FBXO34: variants seen among roughly 807,000 people sequenced by gnomAD.
FBXO34 encodes the protein F-box protein 34, also known as F-box only protein 34.
A neutral mutation model predicts 24.5 loss-of-function variants in FBXO34; 12 were observed. The ratio of observed to expected loss-of-function variants is 0.49; its 90% CI spans 0.31 to 0.79. The LOEUF (loss-of-function observed/expected upper bound fraction) is 0.79, where lower values mean the gene tolerates loss of function less well. Among genes scored for constraint, FBXO34 ranks in the 30% least tolerant of loss-of-function variants. FBXO34 has a pLI of 0.04. For missense variants in FBXO34, 823 were observed against 857.7 expected, an observed-to-expected ratio of 0.96 and a Z score of 0.51; for synonymous variants, 320 against 311.9, an observed-to-expected ratio of 1.03 and a Z score of -0.27.
intron 1 of FBXO34, among the ~76,000 whole-genome samples, chr14:55,337,886 C>G (rs1157661572): frequency 6.6e-6 from 1 of 151,994 alleles, no homozygotes; most frequent in Non-Finnish European, 1.5e-5. Flanking sequence ...TTCAGAATCT[C>G]CTTTCCTCAT....
the FBXO34 span, among the ~76,000 whole-genome samples, chr14:55,405,073 C>T: frequency 3.3e-5 from 5 of 152,302 alleles, no homozygotes; most frequent in East Asian, 9.6e-4. Flanking sequence ...CATAAACAAA[C>T]TCCATGGGAC....
the FBXO34 span, among the ~76,000 whole-genome samples, chr14:55,426,891 C>G: frequency 5.3e-5 from 8 of 152,164 alleles, no homozygotes; most frequent in African/African-American, 1.9e-4. Context: ...TAGATCTGCT[C>G]TGCAAGGAAG....
chr14:55,280,319 A>G (rs1330386422), intron 1 of FBXO34, among the ~76,000 whole-genome samples: 2 of 152,118 alleles, frequency 1.3e-5, no homozygotes, highest in African/African-American at 4.8e-5. Flanking sequence ...GATCCAACCA[A>G]CCTCAGATGG....
intron 1 of FBXO34, among the ~76,000 whole-genome samples, chr14:55,319,563 T>C (rs780999364): frequency 7.9e-5 from 12 of 152,248 alleles, no homozygotes; most frequent in Non-Finnish European, 1.2e-4. Context: ...TTTTTGGTGA[T>C]AACCCTGGGA....
At chr14:55,402,944 TATATATATATATATATATATATATAA>T in the FBXO34 span, among the ~76,000 whole-genome samples, 20 of 53,766 alleles carry the variant, frequency 3.7e-4, no homozygotes, top group Middle Eastern at 9.6e-3. Flanking sequence ...TATATATATA[TATATATATATATATATATATATATAA>T]ATAGCTGGGC....
the FBXO34 span, chr14:55,435,845 A>G: frequency 6.4e-7 from 1 of 1,552,130 alleles, no homozygotes; most frequent in Non-Finnish European, 8.7e-7. Context: ...GAGAAATGTT[A>G]CCTTTGGGTT....
In FBXO34 at chr14:55,350,527, G is replaced by A; in HGVS notation, c.137G>A (p.Ser46Asn). The A allele has an allele frequency of 1.2e-6, 2 of 1,613,900 alleles. No individual in the cohort carries two copies. The highest frequency in any genetic ancestry group is 1.7e-6 in the Non-Finnish European group (2 of 1,179,984). Residue 46 changes from serine (S) to asparagine (N), a missense_variant, in exon 2 of 2, where the codon AGT becomes AAT. Ser to Asn is a conservative substitution (Grantham distance 46, BLOSUM62 1). Around this residue, in one of 2 missense-constraint regions of FBXO34, gnomAD observed 693 missense variants for 659.1 expected, o/e 1.05. Coordinates refer to ENST00000313833, the MANE Select transcript of FBXO34 (RefSeq NM_017943.4). ...ETCKASHITS[S>N]VFPSASLGKA... Reference sequence around the variant, plus strand: ...TGCAAAGCTAGCCACATAACATCAAGTGTCTTTCCTTCAGCCTCTCTCGGT... The same window carrying A: ...TGCAAAGCTAGCCACATAACATCAAATGTCTTTCCTTCAGCCTCTCTCGGT...
At chr14:55,271,889 A>G (rs1881159133) in intron 1 of FBXO34, 1 of 152,200 alleles carries the variant, frequency 6.6e-6, no homozygotes, top group African/African-American at 2.4e-5. Flanking sequence ...TACGGGACCC[A>G]GGGCGGTGAG....
chr14:55,290,059 T>C (rs938966114), intron 1 of FBXO34, among the ~76,000 whole-genome samples: 9 of 152,158 alleles, frequency 5.9e-5, no homozygotes, highest in Non-Finnish European at 8.8e-5. Context: ...CTGGAACTCA[T>C]GGTGTGCTGT....
chr14:55,422,545 G>A, the FBXO34 span, among the ~76,000 whole-genome samples: 7 of 152,174 alleles, frequency 4.6e-5, no homozygotes, highest in East Asian at 3.9e-4. Context: ...CACCGCGCCC[G>A]GTCATAAAAT....
chr14:55,377,940 C>A, the FBXO34 span: 1 of 1,593,100 alleles, frequency 6.3e-7, no homozygotes, highest in Non-Finnish European at 8.6e-7. Context: ...ATATTTTCAA[C>A]TATTTAACAA....
intron 1 of FBXO34, among the ~76,000 whole-genome samples, chr14:55,294,438 C>G (rs759653614): frequency 2.6e-5 from 4 of 152,078 alleles, no homozygotes; most frequent in Non-Finnish European, 5.9e-5. Context: ...CATACGCACA[C>G]CACAGGGTTT....
the FBXO34 span, among the ~76,000 whole-genome samples, chr14:55,386,303 A>T: frequency 6.6e-6 from 1 of 152,184 alleles, no homozygotes; most frequent in Non-Finnish European, 1.5e-5. Context: ...GATTAAAATG[A>T]CTCTGGATCT....
chr14:55,402,302 GAA>G, the FBXO34 span, among the ~76,000 whole-genome samples: 1 of 152,042 alleles, frequency 6.6e-6, no homozygotes. Context: ...TTATGGCAAT[GAA>G]AAGTCTCAGA....
At chr14:55,415,170 T>C in the FBXO34 span, among the ~76,000 whole-genome samples, 1 of 152,220 alleles carries the variant, frequency 6.6e-6, no homozygotes, top group Non-Finnish European at 1.5e-5. Context: ...CATGTACTTG[T>C]ACTACTTATA....
chr14:55,332,355 T>C (rs1883625227), intron 1 of FBXO34, among the ~76,000 whole-genome samples: 1 of 152,120 alleles, frequency 6.6e-6, no homozygotes. Context: ...TGGCAAATGT[T>C]ACTGTCCTTC....
At chr14:55,431,561 TAC>T in the FBXO34 span, among the ~76,000 whole-genome samples, 1 of 152,232 alleles carries the variant, frequency 6.6e-6, no homozygotes, top group Non-Finnish European at 1.5e-5. Flanking sequence ...TGAACATTAT[TAC>T]AGACATCTTG....
At chr14:55,287,701 T>A (rs1312974998) in intron 1 of FBXO34, among the ~76,000 whole-genome samples, 1 of 152,234 alleles carries the variant, frequency 6.6e-6, no homozygotes, top group East Asian at 1.9e-4. Context: ...AAATGGGGCC[T>A]CTAGGGAAGA....
chr14:55,338,270 C>T (rs998606309), intron 1 of FBXO34, among the ~76,000 whole-genome samples: 6 of 151,542 alleles, frequency 4.0e-5, no homozygotes, highest in African/African-American at 7.3e-5. Context: ...AGGATGGTCT[C>T]GATCTCCTGA....
Sources: allele counts gnomAD v4.1 joint callset (sites outside exome capture counted in the v4.1 genomes callset), GRCh38; gene constraint gnomAD v4.1.1; regional missense constraint gnomAD v4.1.1; transcripts MANE v1.5; gene names NCBI Gene and HGNC (gene_info 2026-07-23, HGNC 2026-07-21).